ETFA: variants seen among roughly 807,000 people sequenced by gnomAD.
The protein encoded by ETFA is electron transfer flavoprotein subunit alpha, mitochondrial.
In ETFA, 22 loss-of-function variants were observed where a neutral mutation model predicts 46.2. The observed-to-expected ratio is 0.48, with a 90% CI of 0.34 to 0.68. ETFA has a LOEUF of 0.68. Among genes scored for constraint, ETFA ranks in the 30% least tolerant of loss-of-function variants. The probability of loss-of-function intolerance (pLI) is 0.01; values close to 1 mark genes in which losing one functional copy is unlikely to be tolerated. For missense variants in ETFA, 345 were observed against 401.1 expected, an observed-to-expected ratio of 0.86 and a Z score of 1.19; for synonymous variants, 131 against 139.9, an observed-to-expected ratio of 0.94 and a Z score of 0.45.
intron 4 of ETFA, among the ~76,000 whole-genome samples, chr15:76,291,574 C>A (rs1442748656): frequency 6.6e-6 from 1 of 151,622 alleles, no homozygotes. Context: ...CACAGTGAAA[C>A]CCCGTCTCTA....
rs898518695 is a variant in ETFA, at chr15:76,279,139, G to A, written c.733+4618C>T. Among the ~76,000 whole-genome samples the A allele has an allele frequency of 2.0e-5, 3 of 152,220 alleles. No homozygotes were observed. The East Asian group carries it at 5.8e-4, about 29-fold the overall frequency. ...CCTCAAAAAGTTATCTGTATTCACT[G>A]TCTCCAACTCCAGCCCTCCCATTCT... On this transcript the variant is annotated intron_variant, in intron 8 of 11. Transcript: ENST00000557943.
chr15:76,297,868 C>T (rs2039841057), intron 1 of ETFA, among the ~76,000 whole-genome samples: 1 of 152,110 alleles, frequency 6.6e-6, no homozygotes, highest in Non-Finnish European at 1.5e-5. Context: ...GTTTTACATT[C>T]CATTTCTCAG....
chr15:76,302,046 A>G (rs184573542), intron 1 of ETFA, among the ~76,000 whole-genome samples: 3 of 152,224 alleles, frequency 2.0e-5, no homozygotes, highest in Non-Finnish European at 2.9e-5. Context: ...AAATGCTAGT[A>G]AGGATGTGGA....
At chr15:76,222,558 G>A (rs1003321963) in intron 11 of ETFA, among the ~76,000 whole-genome samples, 2 of 152,040 alleles carry the variant, frequency 1.3e-5, no homozygotes, top group Non-Finnish European at 2.9e-5. Context: ...TCAAAGGTGC[G>A]ATTTTTACTG....
At chr15:76,270,955 A>G (rs2039523639) in intron 9 of ETFA, among the ~76,000 whole-genome samples, 1 of 152,160 alleles carries the variant, frequency 6.6e-6, no homozygotes, top group African/African-American at 2.4e-5. Flanking sequence ...GGATCACTTG[A>G]GGCCAGGGGT....
At chr15:76,237,567 C>G (rs960464480) in intron 9 of ETFA, among the ~76,000 whole-genome samples, 8 of 152,182 alleles carry the variant, frequency 5.3e-5, no homozygotes, top group Admixed American at 1.3e-4. Context: ...TATTCAATCT[C>G]TCAAAGGCTC....
intron 1 of ETFA, among the ~76,000 whole-genome samples, chr15:76,297,368 TTAAA>T (rs1041415751): frequency 6.6e-6 from 1 of 151,228 alleles, no homozygotes; most frequent in African/African-American, 2.4e-5. Flanking sequence ...AAATAAATAA[TTAAA>T]TAAAATTAAT....
intron 9 of ETFA, chr15:76,260,873 C>T (rs1271781706): frequency 3.3e-5 from 53 of 1,611,740 alleles, no homozygotes; most frequent in Non-Finnish European, 4.2e-5. Flanking sequence ...TAAAGGGGGG[C>T]ACAAGGACCA....
chr15:76,295,803 T>A (rs963956378), intron 1 of ETFA, 66 bp from the exon 2 acceptor site: 7 of 1,179,776 alleles, frequency 5.9e-6, no homozygotes, highest in Non-Finnish European at 8.5e-6. Context: ...TTTTTTTTTT[T>A]ACTAATTGTT....
rs948361766 is a variant in ETFA, at chr15:76,292,482, C to A, written c.300G>T (p.Gln100His). The stretch of plus-strand genomic sequence containing the variant: ...AGATGTGTGTGTAATTGAACTGCTT[C>A]TGAGTTGCCAAAATCAATGGTGTCA... The part of the protein sequence containing the change: ...EELTPLILAT[Q>H]KQFNYTHICA... Residue 100 changes from glutamine (Q) to histidine (H), a missense_variant, in exon 4 of 12, where the codon CAG becomes CAT. Gln to His is a conservative substitution (Grantham distance 24). Transcript: ENST00000557943. 1.9e-6 allele frequency: 3 copies of A among 1,613,980 alleles called. No homozygotes were observed. Among genetic ancestry groups the A allele is most frequent in the Non-Finnish European group, 2.5e-6 (3 of 1,179,832 alleles).
chr15:76,280,834 C>T (rs1015896891), intron 8 of ETFA, among the ~76,000 whole-genome samples: 2 of 151,572 alleles, frequency 1.3e-5, no homozygotes, highest in Non-Finnish European at 2.9e-5. Context: ...GTGCACTTTA[C>T]TAGTTGCTCT....
At chr15:76,227,035 T>A (rs575874473) in intron 10 of ETFA, among the ~76,000 whole-genome samples, 15 of 152,160 alleles carry the variant, frequency 9.9e-5, no homozygotes, top group Non-Finnish European at 1.9e-4. Context: ...AATAGATTAA[T>A]AAAAGAAGCA....
At chr15:76,262,627 C>T (rs1032527867) in intron 9 of ETFA, among the ~76,000 whole-genome samples, 1 of 151,774 alleles carries the variant, frequency 6.6e-6, no homozygotes, top group African/African-American at 2.4e-5. Context: ...GGACTACAGG[C>T]GCCTGCCACC....
chr15:76,298,949 A>G (rs1273721301), intron 1 of ETFA, among the ~76,000 whole-genome samples: 1 of 152,242 alleles, frequency 6.6e-6, no homozygotes, highest in Non-Finnish European at 1.5e-5. Context: ...AAAGGAAACA[A>G]ATTTTCATTT....
intron 9 of ETFA, among the ~76,000 whole-genome samples, chr15:76,235,984 A>C (rs1824358611): frequency 6.6e-6 from 1 of 152,216 alleles, no homozygotes; most frequent in Non-Finnish European, 1.5e-5. Flanking sequence ...ATTGGAATGA[A>C]ATCTTCAGAC....
At chr15:76,300,347 C>T (rs1277004917) in intron 1 of ETFA, among the ~76,000 whole-genome samples, 2 of 152,144 alleles carry the variant, frequency 1.3e-5, no homozygotes, top group African/African-American at 4.8e-5. Flanking sequence ...CTTCCCCATA[C>T]TGCTACTTCT....
intron 1 of ETFA, chr15:76,309,933 A>G (rs1466410744): frequency 6.5e-6 from 1 of 152,948 alleles, no homozygotes; most frequent in Non-Finnish European, 1.5e-5. Flanking sequence ...AATACGCACA[A>G]GAAAAAAGAT....
intron 8 of ETFA, among the ~76,000 whole-genome samples, chr15:76,276,106 C>A (rs960719336): frequency 2.0e-5 from 3 of 152,050 alleles, no homozygotes; most frequent in African/African-American, 7.2e-5. Flanking sequence ...ATTTCCTTCT[C>A]TCTAAAAGAA....
intron 9 of ETFA, among the ~76,000 whole-genome samples, chr15:76,255,535 A>G (rs1178472524): frequency 6.6e-6 from 1 of 152,256 alleles, no homozygotes; most frequent in East Asian, 1.9e-4. Flanking sequence ...AGTGGTACGT[A>G]ACTTGCTGAA....
Sources: allele counts gnomAD v4.1 joint callset (sites outside exome capture counted in the v4.1 genomes callset), GRCh38; gene constraint gnomAD v4.1.1; transcripts MANE v1.5; gene names NCBI Gene and HGNC (gene_info 2026-07-23, HGNC 2026-07-21).